Variants in TRMT44 observed in about 807,000 individuals in gnomAD.
The protein encoded by TRMT44 is probable tRNA (uracil-O(2)-)-methyltransferase.
TRMT44 carries 78 observed loss-of-function variants against 77.3 expected under a neutral mutation model. That is an observed-to-expected ratio of 1.01 (90% CI 0.84 to 1.22). TRMT44 has a LOEUF of 1.22. Ranked by LOEUF, TRMT44 falls within the 50% of genes most tolerant of loss-of-function variation. The pLI is 0.00. For missense variants in TRMT44, 1,090 were observed against 964.4 expected (o/e 1.13, Z -1.73); for synonymous variants, 391 against 383.3 (o/e 1.02, Z -0.23).
chr4:8,492,875 C>T (rs538791436), intron 2 of TRMT44, among the ~76,000 whole-genome samples: 39 of 152,328 alleles, frequency 2.6e-4, no homozygotes, highest in African/African-American at 8.9e-4. Flanking sequence ...GTATACCTTA[C>T]ATATACTGAT....
chr4:8,449,590 C>A, intron 2 of TRMT44, 79 bp from the exon 3 acceptor site: 1 of 1,158,888 alleles, frequency 8.6e-7, no homozygotes, highest in Non-Finnish European at 1.2e-6. Context: ...CTGTTTTCTT[C>A]ATTAGGTAAA....
rs555238486 is a variant in TRMT44, at chr4:8,481,616, G to T, written n.3891+2083G>T. ...TGCCTCACCCTCCCAAAGTGCTGGG[G>T]TTACAGGCAAATATTCTTTATATTA... On this transcript the variant is annotated intron_variant and non_coding_transcript_variant, in intron 2 of 2. Coordinates refer to the TRMT44 transcript ENST00000511366. 3.3e-5 allele frequency among the ~76,000 whole-genome samples: 5 copies of T among 152,258 alleles called. No homozygotes were observed. The South Asian group carries it at 1.0e-3, about 32-fold the overall frequency.
At chr4:8,472,319 G>A (rs1308748560) in intron 10 of TRMT44, among the ~76,000 whole-genome samples, 1 of 152,188 alleles carries the variant, frequency 6.6e-6, no homozygotes, top group Non-Finnish European at 1.5e-5. Context: ...AGGGTTGGGA[G>A]GAGTAAGAGT....
chr4:8,452,931 C>A lies in TRMT44; in HGVS notation c.1073C>A (p.Ser358Tyr). 3.3e-6 allele frequency: 5 copies of A among 1,533,444 alleles called. No homozygotes were observed. Among genetic ancestry groups the A allele is most frequent in the Non-Finnish European group, 3.5e-6 (4 of 1,145,716 alleles). The allele number at this position is 1,533,444 out of a possible 1,614,324, so 95.0% of individuals were successfully genotyped here. A position where few individuals can be genotyped will look rare whatever the true frequency, so the allele number is the denominator to read the frequency against. The change falls in exon 5 of 11, where the codon TCC becomes TAC. Residue 358 changes from serine (S) to tyrosine (Y), a missense_variant. Ser to Tyr is a moderately radical substitution (Grantham distance 144). Coordinates refer to ENST00000389737, the MANE Select transcript of TRMT44 (RefSeq NM_152544.3). This position sits in a 1 kb window ranked among gnomAD's most constrained non-coding sequence, Gnocchi z 5.7. ...RAERRLTARQ[S>Y]FVDLGCGNGL... is the part of the protein sequence containing the mutation. Reference sequence around the variant, plus strand: ...GAGAGGAGACTAACTGCCAGGCAGTCCTTTGTGGACCTGGGATGTGGAAAT... The same window carrying A: ...GAGAGGAGACTAACTGCCAGGCAGTACTTTGTGGACCTGGGATGTGGAAAT...
the TRMT44 span, chr4:8,510,997 G>A: frequency 6.6e-6 from 1 of 152,586 alleles, no homozygotes; most frequent in Non-Finnish European, 1.5e-5. Flanking sequence ...AGTCCCACAG[G>A]TGAAGGGTGA....
intron 2 of TRMT44, among the ~76,000 whole-genome samples, chr4:8,491,608 G>T (rs945898409): frequency 4.6e-5 from 7 of 152,208 alleles, no homozygotes; most frequent in Non-Finnish European, 8.8e-5. Context: ...CGGTGGGCCG[G>T]CACTGCTGGG....
intron 2 of TRMT44, among the ~76,000 whole-genome samples, chr4:8,489,633 C>T (rs939736007): frequency 1.3e-5 from 2 of 152,108 alleles, no homozygotes; most frequent in South Asian, 2.1e-4. Flanking sequence ...TTAGCCACCA[C>T]GCCTGGCTAA....
the TRMT44 span, among the ~76,000 whole-genome samples, chr4:8,513,619 T>C: frequency 0.057 from 8,636 of 152,260 alleles, 427 homozygotes; most frequent in African/African-American, 0.14. Flanking sequence ...AGGAGAAGAT[T>C]TTAACAGTAC....
chr4:8,454,341 G>T lies in TRMT44; in HGVS notation c.1132-401G>T, dbSNP rs574623994. The T allele has an allele frequency of 2.0e-3, 389 of 196,668 alleles. 1 individual carries two copies. Among genetic ancestry groups the T allele is most frequent in the African/African-American group, 8.5e-3 (376 of 44,070 alleles). The allele number at this position is 196,668 out of a possible 1,614,324, so 12.2% of individuals were successfully genotyped here. A position where few individuals can be genotyped will look rare whatever the true frequency, so the allele number is the denominator to read the frequency against. On this transcript the variant is annotated intron_variant, in intron 5 of 10. Transcript: ENST00000389737. ...TGCAGGGGTGTGGGTATCTGTTTTAGACAGCTGAGAAATTCTGGTGTCATC... is the reference window on the plus strand; with the variant it reads ...TGCAGGGGTGTGGGTATCTGTTTTATACAGCTGAGAAATTCTGGTGTCATC...
downstream of TRMT44, among the ~76,000 whole-genome samples, chr4:8,497,067 C>T (rs1027400509): frequency 2.0e-5 from 3 of 151,468 alleles, no homozygotes; most frequent in Non-Finnish European, 4.4e-5. Flanking sequence ...TTTAGCAGCT[C>T]ACTTCAAGGA....
intron 1 of TRMT44, among the ~76,000 whole-genome samples, chr4:8,443,812 TA>T (rs1724898360): frequency 6.6e-6 from 1 of 152,026 alleles, no homozygotes; most frequent in Non-Finnish European, 1.5e-5. Flanking sequence ...TACAAAAAAT[TA>T]GCCAGGCGTA....
At position 8,487,882 on chromosome 4, in the gene TRMT44, G is replaced by A. The variant is rs181382286; in HGVS notation, n.3892-5384G>A. On this transcript the variant is annotated intron_variant and non_coding_transcript_variant, in intron 2 of 2. Transcript: ENST00000511366. ...TGAAACCTGGGTGAATAGTCAGAGA[G>A]GCGTCCCTGCAATGATTAAACACCA... is the stretch of plus-strand genomic sequence containing the variant. 3.7e-3 allele frequency among the ~76,000 whole-genome samples: 556 copies of A among 152,298 alleles called. 1 individual carries two copies. Among genetic ancestry groups the A allele is most frequent in the Middle Eastern group, 6.8e-3 (2 of 294 alleles).
In TRMT44 at chr4:8,491,449, G is replaced by A. The variant is rs192891352; in HGVS notation, n.3892-1817G>A. ...TGGGTGGTCGATGGGACTGGGTGCC[G>A]TGGAGCAGGGGGTGGTGCTCGTCGG... is the stretch of plus-strand genomic sequence containing the variant. On this transcript the variant is annotated intron_variant and non_coding_transcript_variant, in intron 2 of 2. Coordinates refer to the TRMT44 transcript ENST00000511366. 2.2e-3 allele frequency among the ~76,000 whole-genome samples: 328 copies of A among 152,370 alleles called. 1 individual carries two copies. Among genetic ancestry groups the A allele is most frequent in the Admixed American group, 4.0e-3 (62 of 15,312 alleles).
At position 8,449,774 on chromosome 4, in the gene TRMT44, G is replaced by A; in HGVS notation, c.840G>A (p.Lys280=). 2.0e-6 allele frequency: 3 copies of A among 1,536,012 alleles called. No homozygotes were observed. Among genetic ancestry groups the A allele is most frequent in the Non-Finnish European group, 2.6e-6 (3 of 1,146,874 alleles). The change falls in exon 3 of 11, where the codon AAG becomes AAA. Residue 280 remains lysine, a synonymous_variant. Coordinates refer to ENST00000389737, the MANE Select transcript of TRMT44 (RefSeq NM_152544.3). Reference sequence around the variant, plus strand: ...AAGAGTTGCTGGCCAAGTTGGCCAAGTGGTCTGTAGAGAACAAGAAGAGTG... The same window carrying A: ...AAGAGTTGCTGGCCAAGTTGGCCAAATGGTCTGTAGAGAACAAGAAGAGTG... ...LGEELLAKLA[K]WSVENKKSDF... is the part of the protein sequence containing the mutation.
chr4:8,465,838 C>T (rs1378675111), intron 8 of TRMT44, among the ~76,000 whole-genome samples: 1 of 152,216 alleles, frequency 6.6e-6, no homozygotes, highest in East Asian at 1.9e-4. Flanking sequence ...CCCCAGGGGA[C>T]CTGCCCAGAG....
At chr4:8,443,820 CGTAGTGGCAGGT>C (rs1349089635) in intron 1 of TRMT44, among the ~76,000 whole-genome samples, 1 of 152,140 alleles carries the variant, frequency 6.6e-6, no homozygotes, top group East Asian at 1.9e-4. Context: ...ATTAGCCAGG[CGTAGTGGCAGGT>C]GCCTGTAATC....
chr4:8,483,773 T>C lies in TRMT44; in HGVS notation n.3891+4240T>C, dbSNP rs376205387. Reference sequence around the variant, plus strand: ...CTGTATAGAGGTGGGAAGGCCAAACTGAGGAATTGTGTCTGACAGAAGGGA... The same window carrying C: ...CTGTATAGAGGTGGGAAGGCCAAACCGAGGAATTGTGTCTGACAGAAGGGA... On this transcript the variant is annotated intron_variant and non_coding_transcript_variant, in intron 2 of 2. Transcript: ENST00000511366. 1.1e-4 allele frequency among the ~76,000 whole-genome samples: 16 copies of C among 152,300 alleles called. No homozygotes were observed. In the East Asian group the frequency reaches 2.9e-3, roughly 28 times the overall value.
Position 8,469,632 on chromosome 4 carries a change from C to T in TRMT44, c.1927+1286C>T, listed in dbSNP as rs190234398. 2.2e-3 allele frequency among the ~76,000 whole-genome samples: 340 copies of T among 152,280 alleles called. 3 individuals are homozygous for T. The highest frequency in any genetic ancestry group is 2.3e-3 in the East Asian group (12 of 5,178). On this transcript the variant is annotated intron_variant, in intron 9 of 10. Transcript: ENST00000389737. ...GAGATGGAGAGCGGGGATGGGTGAGCGGTGGGCTCAGTCCTGCCTGCGCCT... is the reference window on the plus strand; with the variant it reads ...GAGATGGAGAGCGGGGATGGGTGAGTGGTGGGCTCAGTCCTGCCTGCGCCT...
At chr4:8,514,428 C>T in the TRMT44 span, among the ~76,000 whole-genome samples, 4 of 151,902 alleles carry the variant, frequency 2.6e-5, no homozygotes, top group Non-Finnish European at 5.9e-5. Flanking sequence ...CGCCCGCCAC[C>T]ATGCCCAGCT....
Sources: gnomAD v4.1 joint callset for allele counts (sites outside exome capture counted in the v4.1 genomes callset) on GRCh38, gnomAD v4.1.1 for gene constraint, Gnocchi (gnomAD v3.1) non-coding constraint, MANE v1.5 for transcripts, NCBI Gene and HGNC (gene_info 2026-07-23, HGNC 2026-07-21) for gene names.